Variants in CASP5 observed in about 807,000 individuals in gnomAD.
CASP5 encodes the protein caspase 5, also known as caspase-5.
In CASP5, 42 loss-of-function variants were observed where a neutral mutation model predicts 45.2. That is an observed-to-expected ratio of 0.93 (90% CI 0.73 to 1.20). The LOEUF is 1.20. Ranked by LOEUF, CASP5 falls within the 50% of genes most tolerant of loss-of-function variation. CASP5 has a pLI of 0.00. For missense variants in CASP5, 512 were observed against 532.2 expected (o/e 0.96, Z 0.37); for synonymous variants, 209 against 186.2 (o/e 1.12, Z -1.00).
chr11:105,009,736 TATATATATATATATATATATATAC>T (rs1862187959), intron 1 of CASP5, among the ~76,000 whole-genome samples: 1 of 64,606 alleles, frequency 1.5e-5, no homozygotes, highest in Non-Finnish European at 2.7e-5. Flanking sequence ...TATATATATA[TATATATATATATATATATATATAC>T]ACACACACAC....
chr11:105,015,352 A>G (rs1162599395), intron 1 of CASP5, among the ~76,000 whole-genome samples: 1 of 152,244 alleles, frequency 6.6e-6, no homozygotes, highest in East Asian at 1.9e-4. Flanking sequence ...ATTATTTTTA[A>G]AAAACAGTTT....
At chr11:105,009,083 TTC>T (rs1862147346) in intron 1 of CASP5, 103 bp from the exon 2 acceptor site, 1 of 974,944 alleles carries the variant, frequency 1.0e-6, no homozygotes, top group Non-Finnish European at 1.5e-6. Flanking sequence ...TGAAAATACA[TTC>T]TGTCTTACCA....
intron 3 of CASP5, among the ~76,000 whole-genome samples, chr11:105,004,029 C>T (rs1254729650): frequency 1.3e-5 from 2 of 151,998 alleles, no homozygotes; most frequent in Non-Finnish European, 2.9e-5. Flanking sequence ...ATACAACAAA[C>T]GTTTGATAGA....
At chr11:105,001,677 A>C (rs1231860611) in intron 5 of CASP5, among the ~76,000 whole-genome samples, 1 of 152,130 alleles carries the variant, frequency 6.6e-6, no homozygotes, top group Non-Finnish European at 1.5e-5. Flanking sequence ...TAAAAATAAA[A>C]ATAGAGTGCC....
At chr11:104,997,313 G>T (rs542455828) in intron 8 of CASP5, 70 bp downstream of exon 8, 2 of 1,096,334 alleles carry the variant, frequency 1.8e-6, no homozygotes, top group South Asian at 1.2e-5. Context: ...ATTTTTATTC[G>T]ATTAGTGAAT....
Position 104,999,028 on chromosome 11 carries a change from T to C in CASP5, c.953A>G (p.Glu318Gly). 1 of 1,586,992 alleles carries C rather than the reference T, an allele frequency of 6.3e-7. No homozygotes were observed. Among genetic ancestry groups the C allele is most frequent in the Non-Finnish European group, 8.5e-7 (1 of 1,172,240 alleles). Residue 318 changes from glutamate to glycine, a missense_variant and splice_region_variant, in exon 7 of 10, where the codon GAA becomes GGA. Transcript: ENST00000260315. ...KVIIVQACRGEKHGELWVRDS... is the reference protein window; with the variant it reads ...KVIIVQACRGGKHGELWVRDS... ...TCTGACCCAGAGTTCCCCATGTTTT[T>C]CTGTAGAGACATCAACTTTCTTTTT...
At chr11:105,017,878 AG>A (rs1862715306) in intron 1 of CASP5, among the ~76,000 whole-genome samples, 1 of 146,724 alleles carries the variant, frequency 6.8e-6, no homozygotes, top group Non-Finnish European at 1.5e-5. Context: ...GTTGAAATGA[AG>A]GAAAAAATGT....
At chr11:104,998,801 A>G in intron 7 of CASP5, 84 bp downstream of exon 7, 1 of 1,334,506 alleles carries the variant, frequency 7.5e-7, no homozygotes, top group Non-Finnish European at 1.0e-6. Flanking sequence ...TCATTGTTGC[A>G]TAGGGCCTAT....
chr11:105,011,261 A>T (rs1862332319), intron 1 of CASP5, among the ~76,000 whole-genome samples: 1 of 151,826 alleles, frequency 6.6e-6, no homozygotes, highest in Non-Finnish European at 1.5e-5. Flanking sequence ...TTTTGACTGA[A>T]TGAATATGTG....
chr11:104,998,160 T>C (rs1861550486), intron 7 of CASP5, among the ~76,000 whole-genome samples: 1 of 152,204 alleles, frequency 6.6e-6, no homozygotes, highest in Non-Finnish European at 1.5e-5. Context: ...GTTTACAGCA[T>C]AGATTTGGGT....
At chr11:104,995,286 T>G (rs1191950938) in intron 9 of CASP5, 1 of 153,074 alleles carries the variant, frequency 6.5e-6, no homozygotes, top group Non-Finnish European at 1.5e-5. Flanking sequence ...TAATGTGATA[T>G]GTGCACTCAG....
In CASP5 at chr11:104,997,497, G is replaced by C. The variant is rs1345225847; in HGVS notation, c.1097-5C>G. On this transcript the variant is annotated splice_polypyrimidine_tract_variant and splice_region_variant and intron_variant, in intron 7 of 9. Transcript: ENST00000260315. ...GGTCTCTCCAGGACACGTTATCTAT[G>C]ATGATACAGCCTGGTATGCCTTGGG... 1.3e-6 allele frequency: 2 copies of C among 1,583,570 alleles called. No individual in the cohort carries two copies. The highest frequency in any genetic ancestry group is 1.7e-6 in the Non-Finnish European group (2 of 1,153,436).
At chr11:105,009,756 T>C (rs56715074) in intron 1 of CASP5, among the ~76,000 whole-genome samples, 26,389 of 93,012 alleles carry the variant, frequency 0.28, 3,959 homozygotes, top group Non-Finnish European at 0.33. Context: ...TATATATATA[T>C]ATACACACAC....
Position 105,002,508 on chromosome 11 carries a change from T to C in CASP5, c.544-307A>G, listed in dbSNP as rs553338664. On this transcript the variant is annotated intron_variant, in intron 4 of 9. Transcript: ENST00000260315. ...AAATTTCATATAAACCAAGAGGTGT[T>C]GTCATCGGCTCCAGTAAAAATAAAT... Among the ~76,000 whole-genome samples the C allele has an allele frequency of 3.3e-5, 5 of 152,342 alleles. No homozygotes were observed. In the South Asian group the frequency reaches 1.0e-3, roughly 32 times the overall value.
rs898025910 is a variant in CASP5 at position 105,001,961 on chromosome 11, G to A, written c.717+67C>T. The A allele has an allele frequency of 2.6e-6, 4 of 1,513,076 alleles. No homozygotes were observed. The African/African-American group carries it at 4.2e-5, about 16-fold the overall frequency. 93.7% of individuals were successfully genotyped at this position (1,513,076 alleles called of 1,614,324 possible). A position where few individuals can be genotyped will look rare whatever the true frequency, so the allele number is the denominator to read the frequency against. On this transcript the variant is annotated intron_variant, in intron 5 of 9. Transcript: ENST00000260315. ...TTAAACCTTGTTGAACTTCTATAAA[G>A]CTAACTAATTATTAGAAGAATCTGT...
At position 105,009,720 on chromosome 11, in the gene CASP5, C is replaced by CACACACATAT. The variant is rs1376205553; in HGVS notation, c.8-741_8-740insATATGTGTGT. ...TTACCAGGAGATATATATATACACA[C>CACACACATAT]ATATATATATATATATATATATATA... is the stretch of plus-strand genomic sequence containing the variant. On this transcript the variant is annotated intron_variant, in intron 1 of 9. Transcript: ENST00000260315. Among the ~76,000 whole-genome samples the CACACACATAT allele has an allele frequency of 6.9e-3, 442 of 63,650 alleles. 1 individual carries two copies. The highest frequency in any genetic ancestry group is 0.014 in the Admixed American group (63 of 4,666). The allele number at this position is 63,650 out of a possible 152,430, so 41.8% of individuals were successfully genotyped here.
At chr11:105,021,920 A>G (rs1238814653) in intron 1 of CASP5, among the ~76,000 whole-genome samples, 1 of 149,718 alleles carries the variant, frequency 6.7e-6, no homozygotes, top group Admixed American at 6.7e-5. Flanking sequence ...CAAATGTCCA[A>G]CAATGATAGA....
At chr11:105,012,128 C>T (rs1403667450) in intron 1 of CASP5, among the ~76,000 whole-genome samples, 3 of 151,632 alleles carry the variant, frequency 2.0e-5, no homozygotes, top group African/African-American at 7.3e-5. Context: ...GAAATAAACC[C>T]AGTTATTTAC....
intron 2 of CASP5, 25 bp downstream of exon 2, chr11:105,008,782 T>C (rs1862127893): frequency 6.5e-7 from 1 of 1,530,866 alleles, no homozygotes; most frequent in Non-Finnish European, 9.0e-7. Flanking sequence ...ATTGGAAATA[T>C]CCATTGTAAA....
Sources: allele counts gnomAD v4.1 joint callset (sites outside exome capture counted in the v4.1 genomes callset), GRCh38; gene constraint gnomAD v4.1.1; transcripts MANE v1.5; gene names NCBI Gene and HGNC (gene_info 2026-07-23, HGNC 2026-07-21).